CFAP20DC: variants seen among roughly 807,000 people sequenced by gnomAD.
CFAP20DC encodes protein CFAP20DC.
Under a neutral mutation model 101.7 loss-of-function variants are expected in CFAP20DC, and 84 were observed. The observed-to-expected ratio is 0.83, with a 90% confidence interval of 0.69 to 0.99. The LOEUF is 0.99. CFAP20DC is among the 50% of genes least tolerant of loss of function. The probability of loss-of-function intolerance (pLI) is 0.00; values close to 1 mark genes in which losing one functional copy is unlikely to be tolerated. For missense variants in CFAP20DC, 1,007 were observed against 970.3 expected, an observed-to-expected ratio of 1.04 and a Z score of -0.50; for synonymous variants, 359 against 351.2, an observed-to-expected ratio of 1.02 and a Z score of -0.25.
chr3:58,772,924 C>T (rs2070985168), intron 15 of CFAP20DC, among the ~76,000 whole-genome samples: 1 of 152,068 alleles, frequency 6.6e-6, no homozygotes, highest in South Asian at 2.1e-4. Context: ...ACCATAATCA[C>T]ATCTGGCAGT....
intron 13 of CFAP20DC, among the ~76,000 whole-genome samples, chr3:58,836,774 T>A (rs1162676381): frequency 6.6e-6 from 1 of 151,940 alleles, no homozygotes. Context: ...AAAAAAAAAA[T>A]TATTCCCAGT....
intron 15 of CFAP20DC, among the ~76,000 whole-genome samples, chr3:58,804,955 A>G (rs1456324698): frequency 6.6e-6 from 1 of 152,210 alleles, no homozygotes; most frequent in African/African-American, 2.4e-5. Flanking sequence ...ACAGAATAGA[A>G]ACATTTAGAA....
chr3:59,029,527 C>A (rs1256534477), intron 4 of CFAP20DC, among the ~76,000 whole-genome samples: 1 of 151,982 alleles, frequency 6.6e-6, no homozygotes, highest in African/African-American at 2.4e-5. Context: ...AGAGACTTCA[C>A]CTGGTGCGTG....
At chr3:58,941,895 C>T (rs1482208490) in intron 4 of CFAP20DC, among the ~76,000 whole-genome samples, 3 of 152,112 alleles carry the variant, frequency 2.0e-5, no homozygotes, top group Non-Finnish European at 1.5e-5. Context: ...ATGGCTAGGG[C>T]CTTCAGCACA....
In CFAP20DC at chr3:58,962,950, T is replaced by A. The variant is rs1341952133; in HGVS notation, c.279-25188A>T. On this transcript the variant is annotated intron_variant, in intron 4 of 16. Transcript: ENST00000482387. ...GCTTGCCCCAACCAGGATCTCAAAC[T>A]CAGGCCAGCTGTGATGTTGGCCTTT... is the stretch of plus-strand genomic sequence containing the variant. 5.3e-5 allele frequency among the ~76,000 whole-genome samples: 8 copies of A among 152,082 alleles called. No homozygotes were observed. The East Asian group carries it at 1.4e-3, about 26-fold the overall frequency.
rs967287273 is a variant in CFAP20DC at position 58,897,996 on chromosome 3, G to A, written c.551-13287C>T. Among the ~76,000 whole-genome samples the A allele has an allele frequency of 6.6e-6, 1 of 151,980 alleles. No homozygotes were observed. Among genetic ancestry groups the A allele is most frequent in the East Asian group, 1.9e-4 (1 of 5,192 alleles). ...GTTTTCCAACTTGGTTCCATCTCCC[G>A]GTCTCTTTCAGGTACCTCAGTCAGT... On this transcript the variant is annotated intron_variant, in intron 6 of 16. Transcript: ENST00000482387. This position sits in a 1 kb window ranked among gnomAD's most constrained non-coding sequence, Gnocchi z 4.4.
intron 5 of CFAP20DC, among the ~76,000 whole-genome samples, chr3:58,927,092 C>T (rs1447883694): frequency 1.3e-5 from 2 of 152,102 alleles, no homozygotes; most frequent in African/African-American, 4.8e-5. Flanking sequence ...TAAAATTGTT[C>T]TTGCCATTGA....
At chr3:58,792,034 T>C (rs1475085061) in intron 15 of CFAP20DC, among the ~76,000 whole-genome samples, 3 of 152,182 alleles carry the variant, frequency 2.0e-5, no homozygotes, top group Non-Finnish European at 1.5e-5. Flanking sequence ...GTAACTACTA[T>C]AGACAATAAA....
rs1200542758 is a variant in CFAP20DC at position 58,763,469 on chromosome 3, T to TGCCATGGGTTTGAACTTCCTC, written c.2238-9627_2238-9607dup. On this transcript the variant is annotated intron_variant, in intron 15 of 16. Transcript: ENST00000482387. ...TTTTTTTCAAGGTTTTTAACTTCTT[T>TGCCATGGGTTTGAACTTCCTC]GCCATGGGTTTGAACTTCCTCCTTT... is the stretch of plus-strand genomic sequence containing the variant. 4.4e-3 allele frequency among the ~76,000 whole-genome samples: 672 copies of TGCCATGGGTTTGAACTTCCTC among 152,246 alleles called. 5 individuals carry two copies. Among genetic ancestry groups the TGCCATGGGTTTGAACTTCCTC allele is most frequent in the African/African-American group, 0.015 (635 of 41,518 alleles).
chr3:59,007,760 G>A lies in CFAP20DC; in HGVS notation c.278+31797C>T, dbSNP rs2093471825. On this transcript the variant is annotated intron_variant, in intron 4 of 16. Transcript: ENST00000482387. The surrounding 1 kb of genome is among the most constrained non-coding windows in gnomAD (Gnocchi z 4.4). ...CTGCTGGGTGGCTAGACCCAGAAGG[G>A]CAGTAACAATCACTGAAGTACAGCT... Among the ~76,000 whole-genome samples, 1 of 152,132 alleles carries A rather than the reference G, an allele frequency of 6.6e-6. No homozygotes were observed. The highest frequency in any genetic ancestry group is 2.4e-5 in the African/African-American group (1 of 41,430).
chr3:59,046,084 G>A (rs1047889568), intron 3 of CFAP20DC, 145 bp downstream of exon 3: 85 of 601,820 alleles, frequency 1.4e-4, no homozygotes, highest in Admixed American at 5.5e-4. Context: ...AGCATAGTTA[G>A]TTGCCCTCTA....
At chr3:58,976,776 G>C (rs911004906) in intron 4 of CFAP20DC, among the ~76,000 whole-genome samples, 1 of 152,120 alleles carries the variant, frequency 6.6e-6, no homozygotes, top group Non-Finnish European at 1.5e-5. Context: ...AGACACGCAT[G>C]TCAGGTTCAC....
Position 58,894,268 on chromosome 3 carries a change from C to T in CFAP20DC, c.551-9559G>A, listed in dbSNP as rs935364725. ...TCATTTCAGCATTAACTCAAAAAGA[C>T]TACAGTCCAAAGTCTCTTCTGAGAC... On this transcript the variant is annotated intron_variant, in intron 6 of 16. Coordinates refer to ENST00000482387, the MANE Select transcript of CFAP20DC (RefSeq NM_001394063.1). This position sits in a 1 kb window ranked among gnomAD's most constrained non-coding sequence, Gnocchi z 4.1. Among the ~76,000 whole-genome samples, 26 of 152,208 alleles carry T rather than the reference C, an allele frequency of 1.7e-4. No individual in the cohort carries two copies. Among genetic ancestry groups the T allele is most frequent in the African/African-American group, 5.5e-4 (23 of 41,446 alleles).
intron 4 of CFAP20DC, chr3:58,953,814 C>T (rs1407048275): frequency 6.6e-6 from 1 of 152,116 alleles, no homozygotes; most frequent in East Asian, 1.9e-4. Context: ...TCAAAAACCT[C>T]CTGTAACCTA....
chr3:58,939,738 G>A (rs926076532), intron 4 of CFAP20DC, among the ~76,000 whole-genome samples: 1 of 146,228 alleles, frequency 6.8e-6, no homozygotes, highest in East Asian at 2.0e-4. Context: ...GATTACAGGT[G>A]TGAGTCACCG....
rs1002499613 is a variant in CFAP20DC, at chr3:59,041,944, C to A, written c.206-2315G>T. 2.6e-5 allele frequency among the ~76,000 whole-genome samples: 4 copies of A among 152,232 alleles called. No individual in the cohort carries two copies. In the East Asian group the frequency reaches 7.7e-4, roughly 29 times the overall value. ...CACCTACTACGTACAAGACTCAATG[C>A]TGAAGTTTTTGCAGTAAATAAGACA... On this transcript the variant is annotated intron_variant, in intron 3 of 16. Coordinates refer to ENST00000482387, the MANE Select transcript of CFAP20DC (RefSeq NM_001394063.1).
intron 16 of CFAP20DC, among the ~76,000 whole-genome samples, chr3:58,746,311 T>C (rs1355952192): frequency 6.6e-6 from 1 of 152,188 alleles, no homozygotes; most frequent in African/African-American, 2.4e-5. Flanking sequence ...GGACCTGCCA[T>C]TGGATTCTGT....
intron 3 of CFAP20DC, among the ~76,000 whole-genome samples, chr3:58,730,018 CAAA>C (rs769033730): frequency 5.6e-5 from 3 of 53,506 alleles, no homozygotes; most frequent in Non-Finnish European, 8.2e-5. Flanking sequence ...AACCTGTCTC[CAAA>C]AAAAAAAAAA....
intron 15 of CFAP20DC, among the ~76,000 whole-genome samples, chr3:58,789,524 T>C (rs2072673084): frequency 6.6e-6 from 1 of 152,176 alleles, no homozygotes; most frequent in African/African-American, 2.4e-5. Context: ...CTAAAAAGGC[T>C]CTGTGAGGTG....
Sources: gnomAD v4.1 joint callset for allele counts (sites outside exome capture counted in the v4.1 genomes callset) on GRCh38, gnomAD v4.1.1 for gene constraint, Gnocchi (gnomAD v3.1) non-coding constraint, MANE v1.5 for transcripts, NCBI Gene and HGNC (gene_info 2026-07-23, HGNC 2026-07-21) for gene names.